The following ZC3H7A variants were observed in gnomAD, a reference collection of about 807,000 sequenced individuals.
ZC3H7A encodes the protein zinc finger CCCH domain-containing protein 7A.
A neutral mutation model predicts 125.5 loss-of-function variants in ZC3H7A; 44 were observed. The observed-to-expected ratio is 0.35, with a 90% confidence interval of 0.28 to 0.45. The LOEUF (loss-of-function observed/expected upper bound fraction) is 0.45. Among genes scored for constraint, ZC3H7A ranks in the 20% least tolerant of loss-of-function variants. The pLI, the probability that ZC3H7A is intolerant of heterozygous loss-of-function variation, is 1.00. For missense variants in ZC3H7A, 977 were observed against 1,170.7 expected, an observed-to-expected ratio of 0.83 and a Z score of 2.41; for synonymous variants, 399 against 391.2, an observed-to-expected ratio of 1.02 and a Z score of -0.23.
At chr16:11,782,602 T>C (rs1053963634) in intron 1 of ZC3H7A, 2 of 116,522 alleles carry the variant, frequency 1.7e-5, no homozygotes, top group African/African-American at 7.5e-5. Flanking sequence ...TTTCATATTC[T>C]TTTTTTTTTT....
chr16:11,772,206 A>G (rs949392538), intron 9 of ZC3H7A, among the ~76,000 whole-genome samples: 3 of 151,314 alleles, frequency 2.0e-5, no homozygotes, highest in Non-Finnish European at 4.4e-5. Flanking sequence ...AAAAAAAAAA[A>G]AGAATTTGCA....
intron 16 of ZC3H7A, chr16:11,763,107 C>A: frequency 3.9e-6 from 1 of 253,874 alleles, no homozygotes; most frequent in Non-Finnish European, 7.5e-6. Flanking sequence ...CTCCAAATTC[C>A]TTTTTGTTTT....
chr16:11,764,420 G>A (rs941450147), intron 15 of ZC3H7A, among the ~76,000 whole-genome samples: 7 of 152,100 alleles, frequency 4.6e-5, no homozygotes, highest in African/African-American at 7.2e-5. Flanking sequence ...GTGGTGGCAC[G>A]TGCCTGTAAT....
At position 11,761,504 on chromosome 16, in the gene ZC3H7A, TG is replaced by T. The variant is rs1567375601; in HGVS notation, c.2220del (p.Asp742ThrfsTer5). ...ATCACTCTCATCGCACGCCGGTCTT[TG>T]GTCCACCTAAGAAAAATGGAGTTCA... Reference protein sequence around the residue: ...YCSAKARHSWTKDRRAMRVMS... With the variant: ...YCSAKARHSWXKDRRAMRVMS... On this transcript the variant is annotated frameshift_variant, in exon 19 of 23. Transcript: ENST00000355758. LOFTEE classifies it high-confidence loss of function. The T allele has an allele frequency of 6.2e-7, 1 of 1,614,068 alleles. No individual in the cohort carries two copies. The highest frequency in any genetic ancestry group is 1.7e-5 in the Admixed American group (1 of 60,014).
At chr16:11,758,374 G>A (rs1380828406) in intron 20 of ZC3H7A, 57 bp downstream of exon 20, 2 of 1,295,182 alleles carry the variant, frequency 1.5e-6, no homozygotes, top group Non-Finnish European at 2.2e-6. Context: ...TATTTATAGA[G>A]AGGAAAAGAA....
chr16:11,762,833 T>G, intron 16 of ZC3H7A, 86 bp from the exon 17 acceptor site: 1 of 1,278,394 alleles, frequency 7.8e-7, no homozygotes, highest in Non-Finnish European at 1.1e-6. Flanking sequence ...TGGAGAACCT[T>G]CAGCTTCCAA....
chr16:11,797,062 G>C (rs1485313085), intron 1 of ZC3H7A, 62 bp downstream of exon 1: 1 of 144,580 alleles, frequency 6.9e-6, no homozygotes, highest in Non-Finnish European at 1.5e-5. Flanking sequence ...GCGCGCGCGG[G>C]GGGGGCGGGG....
chr16:11,769,316 T>C (rs1462707089), intron 10 of ZC3H7A, among the ~76,000 whole-genome samples: 2 of 151,990 alleles, frequency 1.3e-5, no homozygotes, highest in Non-Finnish European at 2.9e-5. Flanking sequence ...AAAACCTACT[T>C]CCAGAAAAAT....
chr16:11,790,079 CAAAAAAAAA>C (rs150579733), intron 1 of ZC3H7A, among the ~76,000 whole-genome samples: 7 of 73,554 alleles, frequency 9.5e-5, no homozygotes, highest in African/African-American at 1.5e-4. Flanking sequence ...GACTCCATCT[CAAAAAAAAA>C]AAAAAAAAAA....
In ZC3H7A at chr16:11,751,232, G is replaced by T; in HGVS notation, c.*85C>A. 7.3e-7 allele frequency: 1 copy of T among 1,370,822 alleles called. No individual in the cohort carries two copies. The highest frequency in any genetic ancestry group is 1.5e-5 in the African/African-American group (1 of 68,312). The allele number at this position is 1,370,822 out of a possible 1,614,324, so 84.9% of individuals were successfully genotyped here. On this transcript the variant is annotated 3_prime_UTR_variant, in exon 23 of 23. Transcript: ENST00000355758. ...ATACGCCAATACAAGCAGGAAATCTGCAGCTCCTCTGCTATGTGCCTCAGA... is the reference window on the plus strand; with the variant it reads ...ATACGCCAATACAAGCAGGAAATCTTCAGCTCCTCTGCTATGTGCCTCAGA...
At chr16:11,781,392 G>C in intron 3 of ZC3H7A, 33 bp downstream of exon 3, 7 of 1,590,432 alleles carry the variant, frequency 4.4e-6, no homozygotes, top group Non-Finnish European at 6.0e-6. Context: ...GCCACTTGCA[G>C]AGCTTTCAAG....
chr16:11,760,607 C>T (rs947064276), intron 19 of ZC3H7A, among the ~76,000 whole-genome samples: 2 of 152,176 alleles, frequency 1.3e-5, no homozygotes, highest in Non-Finnish European at 2.9e-5. Flanking sequence ...GTCCATCTGC[C>T]CTGCTTCTCT....
chr16:11,782,268 A>G lies in ZC3H7A; in HGVS notation c.68+19T>C, dbSNP rs2053184768. The G allele has an allele frequency of 1.2e-6, 2 of 1,614,120 alleles. No individual in the cohort carries two copies. The highest frequency in any genetic ancestry group is 1.3e-5 in the African/African-American group (1 of 75,068). ...AGAATTAGGACGCGGCAAGAACACA[A>G]GAACTCTGAAGCTCTTACTGTATAA... is the stretch of plus-strand genomic sequence containing the variant. On this transcript the variant is annotated intron_variant, in intron 2 of 22. Transcript: ENST00000355758.
At chr16:11,776,272 C>T in intron 7 of ZC3H7A, 48 bp downstream of exon 7, 1 of 1,538,922 alleles carries the variant, frequency 6.5e-7, no homozygotes, top group Non-Finnish European at 8.8e-7. Flanking sequence ...TTGCTCCCAT[C>T]CTTCCCTTTA....
chr16:11,771,025 G>A, intron 9 of ZC3H7A, 38 bp from the exon 10 acceptor site: 1 of 1,566,344 alleles, frequency 6.4e-7, no homozygotes, highest in Non-Finnish European at 8.7e-7. Flanking sequence ...AATTCATGAA[G>A]CTGTCATGGG....
chr16:11,788,699 C>T (rs567641237), intron 1 of ZC3H7A, among the ~76,000 whole-genome samples: 3 of 151,462 alleles, frequency 2.0e-5, no homozygotes, highest in South Asian at 2.1e-4. Context: ...ATACAACCTC[C>T]GCCTCCTGGG....
In ZC3H7A at chr16:11,765,280, T is replaced by C. The variant is rs951072861; in HGVS notation, c.1720-127A>G. On this transcript the variant is annotated intron_variant, in intron 14 of 22. Transcript: ENST00000355758. This position sits in a 1 kb window ranked among gnomAD's most constrained non-coding sequence, Gnocchi z 4.8. ...TATGAAGTTTTAATATTCTTTTTGG[T>C]AACAGTAATAGCCAACATTTACTGA... is the stretch of plus-strand genomic sequence containing the variant. 2.4e-5 allele frequency: 17 copies of C among 707,888 alleles called. No homozygotes were observed. The highest frequency in any genetic ancestry group is 3.2e-5 in the Non-Finnish European group (15 of 466,258). 43.9% of individuals were successfully genotyped at this position (707,888 alleles called of 1,614,324 possible). A position where few individuals can be genotyped will look rare whatever the true frequency, so the allele number is the denominator to read the frequency against.
Position 11,751,122 on chromosome 16 carries a change from G to T in ZC3H7A, c.*195C>A. 1.9e-6 allele frequency: 1 copy of T among 516,682 alleles called. No homozygotes were observed. The highest frequency in any genetic ancestry group is 3.4e-6 in the Non-Finnish European group (1 of 297,496). 32.0% of individuals were successfully genotyped at this position (516,682 alleles called of 1,614,324 possible). On this transcript the variant is annotated 3_prime_UTR_variant, in exon 23 of 23. Transcript: ENST00000355758. ...GGTAGCAGTCACTTCACCATCTGAT[G>T]CCAGTGGTTCCGTGAGAGCGTGGCC...
At chr16:11,781,591 C>A in intron 2 of ZC3H7A, 127 bp from the exon 3 acceptor site, 1 of 808,946 alleles carries the variant, frequency 1.2e-6, no homozygotes, top group African/African-American at 1.7e-5. Context: ...CAAAGACTTC[C>A]TCCTCCTTTA....
Sources: allele counts gnomAD v4.1 joint callset (sites outside exome capture counted in the v4.1 genomes callset), GRCh38; gene constraint gnomAD v4.1.1; non-coding constraint Gnocchi (gnomAD v3.1); transcripts MANE v1.5; gene names NCBI Gene and HGNC (gene_info 2026-07-23, HGNC 2026-07-21).